The following CCIN variants were observed in gnomAD, a reference collection of about 807,000 sequenced individuals.
CCIN encodes calicin, also known as testis tissue sperm-binding protein Li 65n.
A neutral mutation model predicts 32.2 loss-of-function variants in CCIN; 15 were observed. That is an observed-to-expected ratio of 0.47 (90% CI 0.31 to 0.72). The LOEUF (loss-of-function observed/expected upper bound fraction) is 0.72, where lower values mean the gene tolerates loss of function less well. Ranked by LOEUF, CCIN falls within the 30% of genes least tolerant of loss-of-function variation. CCIN has a pLI of 0.05. For synonymous variants in CCIN, 302 were observed against 297.4 expected (o/e 1.02, Z -0.16); for missense variants, 623 against 759.4 (o/e 0.82, Z 2.11).
Position 36,169,844 on chromosome 9 carries a change from A to G in CCIN, c.342A>G (p.Pro114=). Residue 114 remains proline, a synonymous_variant, in exon 1 of 1, where the codon CCA becomes CCG. Coordinates refer to ENST00000335119, the MANE Select transcript of CCIN (RefSeq NM_005893.3). ...LLRGAQYFNT[P]RLRVHCNDFL... ...GTGGGGCTCAGTATTTCAACACACC[A>G]CGCCTTCGAGTTCACTGTAACGACT... 1 of 1,613,980 alleles carries G rather than the reference A, an allele frequency of 6.2e-7. No homozygotes were observed. The highest frequency in any genetic ancestry group is 8.5e-7 in the Non-Finnish European group (1 of 1,179,992).
In CCIN at chr9:36,169,388, C is replaced by A; in HGVS notation, c.-115C>A. 1 of 991,430 alleles carries A rather than the reference C, an allele frequency of 1.0e-6. No individual in the cohort carries two copies. Among genetic ancestry groups the A allele is most frequent in the Non-Finnish European group, 1.5e-6 (1 of 646,512 alleles). 61.4% of individuals were successfully genotyped at this position (991,430 alleles called of 1,614,324 possible). On this transcript the variant is annotated 5_prime_UTR_variant, in exon 1 of 1. Transcript: ENST00000335119. ...CTATGACATCATCCTCTCTTCCACC[C>A]TCTCTTCTCCCTGGTCAACCGCTCT... is the stretch of plus-strand genomic sequence containing the variant.
In CCIN at chr9:36,170,467, C is replaced by T; in HGVS notation, c.965C>T (p.Ala322Val). The T allele has an allele frequency of 1.2e-6, 2 of 1,614,102 alleles. No homozygotes were observed. Among genetic ancestry groups the T allele is most frequent in the Non-Finnish European group, 1.7e-6 (2 of 1,180,044 alleles). Residue 322 changes from alanine to valine, a missense_variant, in exon 1 of 1, where the codon GCC (alanine) becomes GTC (valine). Coordinates refer to ENST00000335119, the MANE Select transcript of CCIN (RefSeq NM_005893.3). ...CCCTATCGGGCAGCAGCACTTAGTG[C>T]CACCTCTGCTGGTCGCTACATCTAC... ...DMPYRAAALS[A>V]TSAGRYIYIS...
chr9:36,170,089 A>G lies in CCIN; in HGVS notation c.587A>G (p.Gln196Arg). The G allele has an allele frequency of 6.2e-7, 1 of 1,614,214 alleles. No individual in the cohort carries two copies. Among genetic ancestry groups the G allele is most frequent in the Non-Finnish European group, 8.5e-7 (1 of 1,180,034 alleles). ...AACCTTCACGTGCTCAATGAAGACC[A>G]GGCGCTCAGCGCACTCATCAATTGG... is the stretch of plus-strand genomic sequence containing the variant. ...DENLHVLNED[Q>R]ALSALINWVY... The change falls in exon 1 of 1, where the codon CAG becomes CGG. Residue 196 changes from glutamine to arginine, a missense_variant. Physicochemically the swap from Gln to Arg is conservative, Grantham distance 43. Coordinates refer to ENST00000335119, the MANE Select transcript of CCIN (RefSeq NM_005893.3).
Position 36,171,217 on chromosome 9 carries a change from G to A in CCIN, c.1715G>A (p.Cys572Tyr), listed in dbSNP as rs1307681824. The A allele has an allele frequency of 1.9e-6, 3 of 1,613,894 alleles. No individual in the cohort carries two copies. Among genetic ancestry groups the A allele is most frequent in the East Asian group, 2.2e-5 (1 of 44,904 alleles). Residue 572 changes from cysteine (C) to tyrosine (Y), a missense_variant, in exon 1 of 1, where the codon TGT becomes TAT. Cys to Tyr is a radical substitution (Grantham distance 194, BLOSUM62 -2). Transcript: ENST00000335119. ...GCTCCTCCACCAGAGGCACTGGACT[G>A]TCCTGCCTGCTGTCTAGCCAAGCTA... ...TLAPPPEALD[C>Y]PACCLAKLPC...
Position 36,170,407 on chromosome 9 carries a change from T to C in CCIN, c.905T>C (p.Ile302Thr), listed in dbSNP as rs1348850760. 9 of 1,614,000 alleles carry C rather than the reference T, an allele frequency of 5.6e-6. No individual in the cohort carries two copies. Among genetic ancestry groups the C allele is most frequent in the South Asian group, 3.3e-5 (3 of 91,092 alleles). Reference protein sequence around the residue: ...QFNDGVFAYIIQENLWMKLSD... With the variant: ...QFNDGVFAYITQENLWMKLSD... Reference sequence around the variant, plus strand: ...AATGATGGAGTGTTTGCTTATATCATCCAGGAGAACCTGTGGATGAAGCTC... The same window carrying C: ...AATGATGGAGTGTTTGCTTATATCACCCAGGAGAACCTGTGGATGAAGCTC... The change falls in exon 1 of 1, where the codon ATC (isoleucine) becomes ACC (threonine). Residue 302 changes from isoleucine to threonine, a missense_variant. Physicochemically the swap from Ile to Thr is moderately conservative, Grantham distance 89. Transcript: ENST00000335119.
Position 36,170,417 on chromosome 9 carries a change from C to T in CCIN, c.915C>T (p.Asn305=). The T allele has an allele frequency of 6.2e-7, 1 of 1,614,142 alleles. No individual in the cohort carries two copies. The highest frequency in any genetic ancestry group is 8.5e-7 in the Non-Finnish European group (1 of 1,180,054). Residue 305 remains asparagine, a synonymous_variant, in exon 1 of 1, where the codon AAC becomes AAT. Transcript: ENST00000335119. ...DGVFAYIIQE[N]LWMKLSDMPY... is the part of the protein sequence containing the mutation. The stretch of plus-strand genomic sequence containing the variant: ...TGTTTGCTTATATCATCCAGGAGAA[C>T]CTGTGGATGAAGCTCTCAGACATGC...
At position 36,170,299 on chromosome 9, in the gene CCIN, G is replaced by A; in HGVS notation, c.797G>A (p.Cys266Tyr). The A allele has an allele frequency of 1.2e-6, 2 of 1,614,146 alleles. No homozygotes were observed. The highest frequency in any genetic ancestry group is 1.7e-6 in the Non-Finnish European group (2 of 1,180,032). Reference protein sequence around the residue: ...VLMDRKQERPCSLLVYQRKGA... With the variant: ...VLMDRKQERPYSLLVYQRKGA... ...ATGGACCGCAAGCAGGAGCGGCCAT[G>A]CAGCCTGCTGGTCTACCAGCGGAAA... The change falls in exon 1 of 1, where the codon TGC becomes TAC. Residue 266 changes from cysteine to tyrosine, a missense_variant. Physicochemically the swap from Cys to Tyr is radical, Grantham distance 194. Coordinates refer to ENST00000335119, the MANE Select transcript of CCIN (RefSeq NM_005893.3).
Position 36,169,940 on chromosome 9 carries a change from A to C in CCIN, c.438A>C (p.Lys146Asn). The C allele has an allele frequency of 6.2e-7, 1 of 1,614,110 alleles. No homozygotes were observed. The highest frequency in any genetic ancestry group is 1.1e-5 in the South Asian group (1 of 91,086). ...TCTTGGCTGAGCTGTTTGAGCTCAA[A>C]GAGGTATCAGACGTAGCTTACTCTG... ...YLFLAELFEL[K>N]EVSDVAYSGI... Residue 146 changes from lysine (K) to asparagine (N), a missense_variant, in exon 1 of 1, where the codon AAA becomes AAC. Transcript: ENST00000335119.
rs200945259 is a variant in CCIN, at chr9:36,171,113, C to T, written c.1611C>T (p.Ser537=). 5.0e-5 allele frequency: 81 copies of T among 1,614,022 alleles called. No individual in the cohort carries two copies. Among genetic ancestry groups the T allele is most frequent in the African/African-American group, 1.7e-4 (13 of 74,900 alleles). Residue 537 remains serine (S), a synonymous_variant, in exon 1 of 1, where the codon AGC becomes AGT. Transcript: ENST00000335119. The part of the protein sequence containing the change: ...VFVCGGVTTA[S]DVQTKDYTIN... ...TATGTGGGGGTGTCACCACTGCCAG[C>T]GATGTCCAGACAAAGGACTACACCA... is the stretch of plus-strand genomic sequence containing the variant.
Position 36,170,716 on chromosome 9 carries a change from T to A in CCIN, c.1214T>A (p.Leu405Gln). The change falls in exon 1 of 1, where the codon CTG becomes CAG. Residue 405 changes from leucine to glutamine, a missense_variant. Transcript: ENST00000335119. ...GATGAGCGGAAGGAAGTCTGGTGCC[T>A]GGCAGGAAAGATGAGCATCCCCATG... is the stretch of plus-strand genomic sequence containing the variant. The part of the protein sequence containing the change: ...RYDERKEVWC[L>Q]AGKMSIPMDG... 5 of 1,614,278 alleles carry A rather than the reference T, an allele frequency of 3.1e-6. No individual in the cohort carries two copies. The highest frequency in any genetic ancestry group is 4.2e-6 in the Non-Finnish European group (5 of 1,180,052).
Position 36,170,861 on chromosome 9 carries a change from G to A in CCIN, c.1359G>A (p.Gly453=). The change falls in exon 1 of 1, where the codon GGG becomes GGA. Residue 453 remains glycine (G), a synonymous_variant. Transcript: ENST00000335119. The part of the protein sequence containing the change: ...GVVDCFDTST[G]DVVQCITFPI... ...TGGACTGCTTTGACACCAGCACTGGGGACGTGGTCCAGTGTATCACCTTCC... is the reference window on the plus strand; with the variant it reads ...TGGACTGCTTTGACACCAGCACTGGAGACGTGGTCCAGTGTATCACCTTCC... The A allele has an allele frequency of 6.2e-7, 1 of 1,614,242 alleles. No individual in the cohort carries two copies. Among genetic ancestry groups the A allele is most frequent in the Non-Finnish European group, 8.5e-7 (1 of 1,180,040 alleles).
Position 36,169,845 on chromosome 9 carries a change from C to T in CCIN, c.343C>T (p.Arg115Cys), listed in dbSNP as rs141661230. The T allele has an allele frequency of 3.2e-5, 52 of 1,614,036 alleles. No individual in the cohort carries two copies. The highest frequency in any genetic ancestry group is 6.7e-5 in the Admixed American group (4 of 60,008). ...LRGAQYFNTP[R>C]LRVHCNDFLI... ...TGGGGCTCAGTATTTCAACACACCA[C>T]GCCTTCGAGTTCACTGTAACGACTT... Residue 115 changes from arginine (R) to cysteine (C), a missense_variant, in exon 1 of 1, where the codon CGC becomes TGC. Arg to Cys is a radical substitution (Grantham distance 180). Transcript: ENST00000335119.
rs146585082 is a variant in CCIN at position 36,170,281 on chromosome 9, G to T, written c.779G>T (p.Arg260Leu). 3.7e-6 allele frequency: 6 copies of T among 1,614,044 alleles called. No individual in the cohort carries two copies. The South Asian group carries it at 5.5e-5, about 15-fold the overall frequency. The change falls in exon 1 of 1, where the codon CGC becomes CTC. Residue 260 changes from arginine (R) to leucine (L), a missense_variant. Coordinates refer to ENST00000335119, the MANE Select transcript of CCIN (RefSeq NM_005893.3). Reference protein sequence around the residue: ...TTLIESVLMDRKQERPCSLLV... With the variant: ...TTLIESVLMDLKQERPCSLLV... ...CTGATTGAGAGTGTCCTGATGGACC[G>T]CAAGCAGGAGCGGCCATGCAGCCTG...
Position 36,171,046 on chromosome 9 carries a change from T to C in CCIN, c.1544T>C (p.Val515Ala). 1 of 1,614,244 alleles carries C rather than the reference T, an allele frequency of 6.2e-7. No homozygotes were observed. The highest frequency in any genetic ancestry group is 8.5e-7 in the Non-Finnish European group (1 of 1,180,038). Residue 515 changes from valine (V) to alanine (A), a missense_variant, in exon 1 of 1, where the codon GTG becomes GCG. Val to Ala is a moderately conservative substitution (Grantham distance 64). Transcript: ENST00000335119. ...PVLPNSCPLDVSHAICSIGDS... is the reference protein window; with the variant it reads ...PVLPNSCPLDASHAICSIGDS... ...TTGCCCAACAGCTGCCCCTTGGATG[T>C]GTCCCATGCTATATGCTCCATTGGA...
Position 36,170,528 on chromosome 9 carries a change from G to A in CCIN, c.1026G>A (p.Leu342=), listed in dbSNP as rs2132816954. 11 of 1,614,180 alleles carry A rather than the reference G, an allele frequency of 6.8e-6. No individual in the cohort carries two copies. Among genetic ancestry groups the A allele is most frequent in the South Asian group, 5.5e-5 (5 of 91,092 alleles). Reference sequence around the variant, plus strand: ...GCACCACTGAGCAGATTTCAGGGCTGAAGACAGCCTGGCGGTATGACATGG... The same window carrying A: ...GCACCACTGAGCAGATTTCAGGGCTAAAGACAGCCTGGCGGTATGACATGG... ...SGGTTEQISG[L]KTAWRYDMDD... is the part of the protein sequence containing the mutation. The change falls in exon 1 of 1, where the codon CTG becomes CTA. Residue 342 remains leucine, a synonymous_variant. Transcript: ENST00000335119.
At position 36,170,852 on chromosome 9, in the gene CCIN, C is replaced by T; in HGVS notation, c.1350C>T (p.Thr450=). 6.2e-7 allele frequency: 1 copy of T among 1,614,244 alleles called. No individual in the cohort carries two copies. The highest frequency in any genetic ancestry group is 8.5e-7 in the Non-Finnish European group (1 of 1,180,048). The change falls in exon 1 of 1, where the codon ACC becomes ACT. Residue 450 remains threonine (T), a synonymous_variant. Transcript: ENST00000335119. Reference sequence around the variant, plus strand: ...TCGGGGTAGTGGACTGCTTTGACACCAGCACTGGGGACGTGGTCCAGTGTA... The same window carrying T: ...TCGGGGTAGTGGACTGCTTTGACACTAGCACTGGGGACGTGGTCCAGTGTA... ...SRVGVVDCFD[T]STGDVVQCIT... is the part of the protein sequence containing the mutation.
rs201282286 is a variant in CCIN, at chr9:36,169,851, C to T, written c.349C>T (p.Arg117Ter). The T allele has an allele frequency of 1.2e-5, 19 of 1,614,148 alleles. No homozygotes were observed. In the South Asian group the frequency reaches 1.2e-4, roughly 10 times the overall value. The change falls in exon 1 of 1, where the codon CGA (arginine) becomes TGA (stop). Residue 117 changes from arginine to a stop codon, truncating the protein, a stop_gained. Transcript: ENST00000335119. LOFTEE classifies it high-confidence loss of function. ...TCAGTATTTCAACACACCACGCCTT[C>T]GAGTTCACTGTAACGACTTCCTTAT... ...GAQYFNTPRLRVHCNDFLIKS... is the reference protein window; with the variant it reads ...GAQYFNTPRL
Position 36,171,252 on chromosome 9 carries a change from A to G in CCIN, c.1750A>G (p.Ile584Val). 6.2e-7 allele frequency: 1 copy of G among 1,612,964 alleles called. No homozygotes were observed. Among genetic ancestry groups the G allele is most frequent in the South Asian group, 1.1e-5 (1 of 90,932 alleles). Residue 584 changes from isoleucine (I) to valine (V), a missense_variant, in exon 1 of 1, where the codon ATT becomes GTT. By Grantham distance (29) the Ile-to-Val change is conservative (BLOSUM62 3). Coordinates refer to ENST00000335119, the MANE Select transcript of CCIN (RefSeq NM_005893.3). ...ACCLAKLPCK[I>V]LQRI is the part of the protein sequence containing the mutation. ...CTGTCTAGCCAAGCTACCTTGCAAG[A>G]TTCTTCAAAGGATTTAAACATTTTA...
Position 36,169,793 on chromosome 9 carries a change from C to T in CCIN, c.291C>T (p.Ser97=), listed in dbSNP as rs372630639. 5.0e-5 allele frequency: 80 copies of T among 1,614,030 alleles called. No homozygotes were observed. The African/African-American group carries it at 7.5e-4, about 15-fold the overall frequency. The change falls in exon 1 of 1, where the codon TCC becomes TCT. Residue 97 remains serine, a synonymous_variant. Coordinates refer to ENST00000335119, the MANE Select transcript of CCIN (RefSeq NM_005893.3). ...TCTATAGCGGCAAGGTGGTGATCTC[C>T]GAGCAAAATGTGGAGGAGCTGCTTC... ...DYFYSGKVVI[S]EQNVEELLRG...
Sources: gnomAD v4.1 joint callset for allele counts on GRCh38, gnomAD v4.1.1 for gene constraint, MANE v1.5 for transcripts, NCBI Gene and HGNC (gene_info 2026-07-23, HGNC 2026-07-21) for gene names.